The following CFAP65 variants were observed in gnomAD, a reference collection of about 807,000 sequenced individuals.
The protein encoded by CFAP65 is cilia and flagella associated protein 65, also known as cilia- and flagella-associated protein 65.
In CFAP65, 155 loss-of-function variants were observed where a neutral mutation model predicts 208.0. That is an observed-to-expected ratio of 0.75 (90% CI 0.65 to 0.85). The LOEUF (loss-of-function observed/expected upper bound fraction) is 0.85, where lower values mean the gene tolerates loss of function less well. Ranked by LOEUF, CFAP65 falls within the 40% of genes least tolerant of loss-of-function variation. The probability of loss-of-function intolerance (pLI) is 0.00; values close to 1 mark genes in which losing one functional copy is unlikely to be tolerated. For missense variants in CFAP65, 2,294 were observed against 2,451.3 expected (o/e 0.94, Z 1.36); for synonymous variants, 970 against 986.3 (o/e 0.98, Z 0.31).
At chr2:219,035,078 C>T (rs534286672) in intron 5 of CFAP65, 9 of 393,082 alleles carry the variant, frequency 2.3e-5, no homozygotes, top group Non-Finnish European at 4.0e-5. Flanking sequence ...CCCGCAAGGT[C>T]ACCAATTTAA....
At chr2:219,017,580 GGACT>G (rs1223570645) in intron 21 of CFAP65, among the ~76,000 whole-genome samples, 1 of 152,256 alleles carries the variant, frequency 6.6e-6, no homozygotes, top group Non-Finnish European at 1.5e-5. Flanking sequence ...GAAGAGGCAC[GGACT>G]GCCTTCCTGC....
At chr2:219,024,307 C>T in intron 14 of CFAP65, 47 bp from the exon 15 acceptor site, 1 of 1,572,436 alleles carries the variant, frequency 6.4e-7, no homozygotes, top group Non-Finnish European at 8.6e-7. Flanking sequence ...AGACCTCCAC[C>T]CTGGGACACA....
At position 219,006,519 on chromosome 2, in the gene CFAP65, AAG is replaced by A. The variant is rs770487298; in HGVS notation, c.4675-12_4675-11del. On this transcript the variant is annotated splice_polypyrimidine_tract_variant and intron_variant, in intron 29 of 34. Coordinates refer to ENST00000341552, the MANE Select transcript of CFAP65 (RefSeq NM_194302.4). ...TGCAGCATGTTCTCTTCTGTGGAAA[AAG>A]AGAGATCCTTGCTTAAGATACAAGA... 2 of 1,613,396 alleles carry A rather than the reference AAG, an allele frequency of 1.2e-6. No individual in the cohort carries two copies. Among genetic ancestry groups the A allele is most frequent in the South Asian group, 1.1e-5 (1 of 91,026 alleles).
rs1464287430 is a variant in CFAP65, at chr2:219,038,520, G to A, written c.212C>T (p.Ala71Val). The change falls in exon 4 of 35, where the codon GCT (alanine) becomes GTT (valine). Residue 71 changes from alanine (A) to valine (V), a missense_variant. By Grantham distance (64) the Ala-to-Val change is moderately conservative. Coordinates refer to ENST00000341552, the MANE Select transcript of CFAP65 (RefSeq NM_194302.4). The part of the protein sequence containing the change: ...LCPKDMMLTQ[A>V]PSSVVRSRNS... ...CCTGGACCTCACGACGGAGCTTGGAGCCTGGGTGAGCATCATGTCCTTGGG... is the reference window on the plus strand; with the variant it reads ...CCTGGACCTCACGACGGAGCTTGGAACCTGGGTGAGCATCATGTCCTTGGG... The A allele has an allele frequency of 1.2e-6, 2 of 1,614,198 alleles. No individual in the cohort carries two copies. The highest frequency in any genetic ancestry group is 2.2e-5 in the East Asian group (1 of 44,890).
In CFAP65 at chr2:219,028,236, G is replaced by A; in HGVS notation, c.1816C>T (p.Gln606Ter). ...DAMLKEKKLA[Q>*]DQNGALMIPI... is the part of the protein sequence containing the mutation. ...ATCATGAGAGCCCCGTTCTGGTCCT[G>A]TGCCAGCTTCTTCTCCTTCAGCATG... Residue 606 changes from glutamine (Q) to a stop codon, truncating the protein, a stop_gained, in exon 12 of 35, where the codon CAG becomes TAG. Transcript: ENST00000341552. LOFTEE classifies it high-confidence loss of function. 6.2e-7 allele frequency: 1 copy of A among 1,614,128 alleles called. No homozygotes were observed. Among genetic ancestry groups the A allele is most frequent in the East Asian group, 2.2e-5 (1 of 44,856 alleles).
In CFAP65 at chr2:219,015,884, T is replaced by C. The variant is rs367640852; in HGVS notation, c.3603-1840A>G. ...TATTTAAAAGAATGCGTTAGATATA[T>C]GTATTGATCTAAAGGAGATGTTATT... On this transcript the variant is annotated intron_variant, in intron 21 of 34. Transcript: ENST00000341552. Among the ~76,000 whole-genome samples, 39 of 152,314 alleles carry C rather than the reference T, an allele frequency of 2.6e-4. 2 individuals are homozygous for C. The South Asian group carries it at 7.9e-3, about 31-fold the overall frequency.
chr2:219,036,444 C>CTT (rs768149167), intron 4 of CFAP65, among the ~76,000 whole-genome samples: 1 of 142,464 alleles, frequency 7.0e-6, no homozygotes, highest in Non-Finnish European at 1.5e-5. Flanking sequence ...GGCATTTTAT[C>CTT]TTTTTTTTTT....
Position 219,009,959 on chromosome 2 carries a change from G to A in CFAP65, c.4435C>T (p.Pro1479Ser), listed in dbSNP as rs139577992. ...ACTCTCACCTCCCCAAAATCTAGAGGACTTGGCTGCCAGGAGAAGGCAATT... is the reference window on the plus strand; with the variant it reads ...ACTCTCACCTCCCCAAAATCTAGAGAACTTGGCTGCCAGGAGAAGGCAATT... ...EEIAFSWQPS[P>S]LDFGEVSVSP... Residue 1479 changes from proline (P) to serine (S), a missense_variant, in exon 27 of 35, where the codon CCT (proline) becomes TCT (serine). Coordinates refer to ENST00000341552, the MANE Select transcript of CFAP65 (RefSeq NM_194302.4). The A allele has an allele frequency of 6.2e-7, 1 of 1,611,468 alleles. No individual in the cohort carries two copies. The highest frequency in any genetic ancestry group is 1.3e-5 in the African/African-American group (1 of 74,832).
intron 29 of CFAP65, among the ~76,000 whole-genome samples, chr2:219,007,182 GT>G (rs772921583): frequency 2.4e-4 from 35 of 143,098 alleles, no homozygotes; most frequent in African/African-American, 6.4e-4. Context: ...TTTTTTCTTT[GT>G]TTTTTTTTTT....
In CFAP65 at chr2:219,032,184, G is replaced by C. The variant is rs1948096085; in HGVS notation, c.645+286C>G. Among the ~76,000 whole-genome samples the C allele has an allele frequency of 6.6e-6, 1 of 152,188 alleles. No homozygotes were observed. The highest frequency in any genetic ancestry group is 1.5e-5 in the Non-Finnish European group (1 of 68,034). On this transcript the variant is annotated intron_variant, in intron 6 of 34. Coordinates refer to ENST00000341552, the MANE Select transcript of CFAP65 (RefSeq NM_194302.4). The surrounding 1 kb of genome is among the most constrained non-coding windows in gnomAD (Gnocchi z 5.5). ...GACCTGCCTGCCTCGGCCTCCCAAAGTGCTGAGATTCCAGAAGTCAGTCAC... is the reference window on the plus strand; with the variant it reads ...GACCTGCCTGCCTCGGCCTCCCAAACTGCTGAGATTCCAGAAGTCAGTCAC...
At chr2:219,023,512 C>G in intron 15 of CFAP65, 81 bp from the exon 16 acceptor site, 1 of 1,046,680 alleles carries the variant, frequency 9.6e-7, no homozygotes, top group Non-Finnish European at 1.4e-6. Context: ...GAAGCCATGG[C>G]TAGGCAGCTT....
Position 219,028,361 on chromosome 2 carries a change from T to C in CFAP65, c.1691A>G (p.Asp564Gly). Residue 564 changes from aspartate to glycine, a missense_variant, in exon 12 of 35, where the codon GAC becomes GGC. Coordinates refer to ENST00000341552, the MANE Select transcript of CFAP65 (RefSeq NM_194302.4). ...CTTCAGGATGGCTGGCTTGGTGCTG[T>C]CCGAGTGGCAGGTCCCCATCAGGTC... Reference protein sequence around the residue: ...FLDLMGTCHSDSTKPAILKPQ... With the variant: ...FLDLMGTCHSGSTKPAILKPQ... 3.7e-6 allele frequency: 6 copies of C among 1,613,200 alleles called. No individual in the cohort carries two copies. Among genetic ancestry groups the C allele is most frequent in the Non-Finnish European group, 5.1e-6 (6 of 1,179,894 alleles).
At chr2:219,038,850 A>G (rs1402288648) in intron 3 of CFAP65, 46 bp downstream of exon 3, 1 of 1,563,234 alleles carries the variant, frequency 6.4e-7, no homozygotes, top group South Asian at 1.2e-5. Context: ...CACACTTGGC[A>G]CTGCTCAGCA....
Position 219,003,282 on chromosome 2 carries a change from G to T in CFAP65, c.5556-10C>A, listed in dbSNP as rs1458021032. 1.2e-5 allele frequency: 18 copies of T among 1,525,262 alleles called. No homozygotes were observed. The highest frequency in any genetic ancestry group is 1.5e-5 in the Non-Finnish European group (17 of 1,134,102). 94.5% of individuals were successfully genotyped at this position (1,525,262 alleles called of 1,614,324 possible). On this transcript the variant is annotated splice_polypyrimidine_tract_variant and intron_variant, in intron 33 of 34. Transcript: ENST00000341552. This position sits in a 1 kb window ranked among gnomAD's most constrained non-coding sequence, Gnocchi z 4.4. Reference sequence around the variant, plus strand: ...GGCGAAGGCCGGGAGCCTGCGAGGGGGCGGGGGCTAGCATGAGGGCGGCCG... The same window carrying T: ...GGCGAAGGCCGGGAGCCTGCGAGGGTGCGGGGGCTAGCATGAGGGCGGCCG...
Position 219,003,283 on chromosome 2 carries a change from G to C in CFAP65, c.5556-11C>G. 1 of 1,523,490 alleles carries C rather than the reference G, an allele frequency of 6.6e-7. No homozygotes were observed. Among genetic ancestry groups the C allele is most frequent in the Non-Finnish European group, 8.8e-7 (1 of 1,133,222 alleles). 94.4% of individuals were successfully genotyped at this position (1,523,490 alleles called of 1,614,324 possible). A position where few individuals can be genotyped will look rare whatever the true frequency, so the allele number is the denominator to read the frequency against. The stretch of plus-strand genomic sequence containing the variant: ...GCGAAGGCCGGGAGCCTGCGAGGGG[G>C]CGGGGGCTAGCATGAGGGCGGCCGC... On this transcript the variant is annotated splice_polypyrimidine_tract_variant and intron_variant, in intron 33 of 34. Transcript: ENST00000341552. This position sits in a 1 kb window ranked among gnomAD's most constrained non-coding sequence, Gnocchi z 4.4.
Position 219,038,442 on chromosome 2 carries a change from G to A in CFAP65, c.290C>T (p.Thr97Ile), listed in dbSNP as rs1948491508. Reference sequence around the variant, plus strand: ...GTCGTTGATGGCAGGGATGGCCACTGTGCTGGCACTCAGGCAGGATCCACC... The same window carrying A: ...GTCGTTGATGGCAGGGATGGCCACTATGCTGGCACTCAGGCAGGATCCACC... ...NSGGSCLSAS[T>I]VAIPAINDSS... Residue 97 changes from threonine to isoleucine, a missense_variant, in exon 4 of 35, where the codon ACA becomes ATA. Thr to Ile is a moderately conservative substitution (Grantham distance 89). This residue lies in a region of CFAP65 where 867 missense variants were observed against 1,012.6 expected (regional missense o/e 0.86). Coordinates refer to ENST00000341552, the MANE Select transcript of CFAP65 (RefSeq NM_194302.4). 6.2e-7 allele frequency: 1 copy of A among 1,613,902 alleles called. No homozygotes were observed. The highest frequency in any genetic ancestry group is 1.7e-5 in the Admixed American group (1 of 60,004).
At chr2:219,019,461 T>C (rs778232222) in intron 20 of CFAP65, 45 bp downstream of exon 20, 52 of 1,508,044 alleles carry the variant, frequency 3.4e-5, no homozygotes, top group East Asian at 1.2e-4. Flanking sequence ...CATCCCTAGA[T>C]AGGCCCTGCC....
Position 219,006,281 on chromosome 2 carries a change from A to G in CFAP65, c.4720-58T>C, listed in dbSNP as rs548065443. 35 of 1,547,508 alleles carry G rather than the reference A, an allele frequency of 2.3e-5. No individual in the cohort carries two copies. The African/African-American group carries it at 3.5e-4, about 16-fold the overall frequency. On this transcript the variant is annotated intron_variant, in intron 30 of 34. Coordinates refer to ENST00000341552, the MANE Select transcript of CFAP65 (RefSeq NM_194302.4). ...TTTGGGCACCACATTCACATCACCA[A>G]TGGGGTCCCTTGACCTAGTTCCCCC...
chr2:219,028,130 G>T (rs1299701335), intron 12 of CFAP65, 71 bp downstream of exon 12: 1 of 1,577,830 alleles, frequency 6.3e-7, no homozygotes, highest in Non-Finnish European at 8.6e-7. Context: ...TGGTGCCCAT[G>T]GGACCCTGGG....
Sources: gnomAD v4.1 joint callset for allele counts (sites outside exome capture counted in the v4.1 genomes callset) on GRCh38, gnomAD v4.1.1 for gene constraint, gnomAD v4.1.1 regional missense constraint, Gnocchi (gnomAD v3.1) non-coding constraint, MANE v1.5 for transcripts, NCBI Gene and HGNC (gene_info 2026-07-23, HGNC 2026-07-21) for gene names.